Variants in DOCK3 observed in about 807,000 individuals in gnomAD.
DOCK3 encodes dedicator of cytokinesis 3.
A neutral mutation model predicts 265.6 loss-of-function variants in DOCK3; 60 were observed. The observed-to-expected ratio is 0.23, with a 90% CI of 0.18 to 0.28. DOCK3 has a LOEUF of 0.28. Ranked by LOEUF, DOCK3 falls within the 10% of genes least tolerant of loss-of-function variation. DOCK3 has a pLI of 1.00. For missense variants in DOCK3, 1,981 were observed against 2,594.3 expected (o/e 0.76, Z 5.14); for synonymous variants, 881 against 938.0 (o/e 0.94, Z 1.11).
intron 21 of DOCK3, among the ~76,000 whole-genome samples, chr3:51,245,909 CAG>C (rs775722071): frequency 4.6e-5 from 7 of 152,040 alleles, no homozygotes; most frequent in Non-Finnish European, 7.4e-5. Flanking sequence ...GAACGTGACA[CAG>C]GGGATTAAAT....
chr3:51,228,723 G>T lies in DOCK3; in HGVS notation c.1710G>T (p.Glu570Asp). ...ALYLGLPCCK[E>D]DYNGCPNIPS... ...ACCTGGGCCTGCCCTGCTGCAAAGA[G>T]GACTACAATGGCTGCCCTAATATTC... The change falls in exon 18 of 53, where the codon GAG becomes GAT. Residue 570 changes from glutamate (E) to aspartate (D), a missense_variant. By Grantham distance (45) the Glu-to-Asp change is conservative. This residue lies in a region of DOCK3 where 1,357 missense variants were observed against 1,866.8 expected (regional missense o/e 0.73). Transcript: ENST00000266037. 6.2e-7 allele frequency: 1 copy of T among 1,613,960 alleles called. No individual in the cohort carries two copies. The highest frequency in any genetic ancestry group is 8.5e-7 in the Non-Finnish European group (1 of 1,179,884).
At position 51,315,113 on chromosome 3, in the gene DOCK3, T is replaced by A. The variant is rs775471821; in HGVS notation, c.3387T>A (p.Asn1129Lys). The change falls in exon 32 of 53, where the codon AAT becomes AAA. Residue 1129 changes from asparagine (N) to lysine (K), a missense_variant. Transcript: ENST00000266037. ...HDMMDWEQRK[N>K]GNFKQVEAEL... ...TGATGGACTGGGAGCAGAGAAAAAA[T>A]GGCAACTTCAAACAGGTAAGACACC... The A allele has an allele frequency of 1.2e-6, 2 of 1,609,720 alleles. No homozygotes were observed. Among genetic ancestry groups the A allele is most frequent in the Admixed American group, 1.7e-5 (1 of 59,682 alleles).
At chr3:50,720,429 T>C (rs753260402) in intron 1 of DOCK3, among the ~76,000 whole-genome samples, 2 of 152,148 alleles carry the variant, frequency 1.3e-5, no homozygotes, top group Admixed American at 6.6e-5. Flanking sequence ...CTTGGGAAAA[T>C]GGCCTCCAGC....
At chr3:51,240,483 C>A (rs1576502729) in intron 21 of DOCK3, among the ~76,000 whole-genome samples, 1 of 152,246 alleles carries the variant, frequency 6.6e-6, no homozygotes, top group East Asian at 1.9e-4. Flanking sequence ...GTCCTGATAT[C>A]TTTGTTAATT....
chr3:50,792,734 G>A (rs1465296098), intron 2 of DOCK3, among the ~76,000 whole-genome samples: 1 of 152,188 alleles, frequency 6.6e-6, no homozygotes, highest in Non-Finnish European at 1.5e-5. Context: ...GATGAATCAC[G>A]TTTATTGATT....
chr3:51,355,013 C>T lies in DOCK3; in HGVS notation c.4239C>T (p.Cys1413=), dbSNP rs781050493. Residue 1413 remains cysteine, a synonymous_variant, in exon 41 of 53, where the codon TGC becomes TGT. Coordinates refer to ENST00000266037, the MANE Select transcript of DOCK3 (RefSeq NM_004947.5). ...ATCCTGATGACGCCATCCTACAGTG[C>T]GATGCCCAGTGTATCCTTTGATACT... ...PNHPDDAILQ[C]DAQYLQIYAV... 1.1e-5 allele frequency: 17 copies of T among 1,613,546 alleles called. No homozygotes were observed. The Admixed American group carries it at 1.3e-4, about 13-fold the overall frequency.
chr3:51,109,931 CA>C (rs919894324), intron 9 of DOCK3, among the ~76,000 whole-genome samples: 64 of 140,212 alleles, frequency 4.6e-4, no homozygotes, highest in Middle Eastern at 3.8e-3. Context: ...AACTCTGTCT[CA>C]AAAAAAAAAA....
At chr3:50,732,563 C>A (rs535379179) in intron 1 of DOCK3, among the ~76,000 whole-genome samples, 19 of 152,256 alleles carry the variant, frequency 1.2e-4, no homozygotes, top group Middle Eastern at 3.4e-3. Flanking sequence ...CACCATCATG[C>A]CTGGCTGATA....
At chr3:50,763,885 G>A (rs1299316867) in intron 1 of DOCK3, among the ~76,000 whole-genome samples, 1 of 151,986 alleles carries the variant, frequency 6.6e-6, no homozygotes, top group Non-Finnish European at 1.5e-5. Context: ...TATGGATATT[G>A]GTCTATATGT....
At chr3:50,845,231 A>AG (rs1407135600) in intron 3 of DOCK3, among the ~76,000 whole-genome samples, 1 of 152,226 alleles carries the variant, frequency 6.6e-6, no homozygotes, top group Non-Finnish European at 1.5e-5. Flanking sequence ...AAACAAAAAA[A>AG]CTTAAGAGCA....
At chr3:50,800,176 G>C (rs573179521) in intron 2 of DOCK3, among the ~76,000 whole-genome samples, 47 of 152,252 alleles carry the variant, frequency 3.1e-4, no homozygotes, top group African/African-American at 1.1e-3. Flanking sequence ...GTCTTTATGT[G>C]GTTTTGCTAT....
chr3:50,971,321 A>G (rs2077226996), intron 5 of DOCK3, among the ~76,000 whole-genome samples: 1 of 151,556 alleles, frequency 6.6e-6, no homozygotes, highest in South Asian at 2.1e-4. Flanking sequence ...TTATTTTTGA[A>G]TTTACTTATG....
chr3:50,731,043 A>T (rs541399987), intron 1 of DOCK3, among the ~76,000 whole-genome samples: 2 of 151,462 alleles, frequency 1.3e-5, no homozygotes, highest in African/African-American at 2.4e-5. Flanking sequence ...GAGGCAGGAG[A>T]ATGGCATGAA....
intron 12 of DOCK3, among the ~76,000 whole-genome samples, chr3:51,184,609 A>G (rs2087492499): frequency 6.6e-6 from 1 of 152,102 alleles, no homozygotes; most frequent in South Asian, 2.1e-4. Context: ...GTGAGTTGAT[A>G]CTTGAATAAA....
intron 1 of DOCK3, among the ~76,000 whole-genome samples, chr3:50,777,138 G>C (rs1363075078): frequency 2.0e-5 from 3 of 152,108 alleles, no homozygotes; most frequent in African/African-American, 7.2e-5. Flanking sequence ...CAACACGTGG[G>C]AATTATGGAA....
intron 1 of DOCK3, among the ~76,000 whole-genome samples, chr3:50,758,799 T>C (rs1393178503): frequency 1.3e-5 from 2 of 152,226 alleles, no homozygotes; most frequent in African/African-American, 4.8e-5. Flanking sequence ...CAAAAGCTTA[T>C]TGTAAGATTG....
intron 25 of DOCK3, 49 bp from the exon 26 acceptor site, chr3:51,277,559 T>G: frequency 2.7e-6 from 4 of 1,493,470 alleles, no homozygotes; most frequent in Non-Finnish European, 3.6e-6. Flanking sequence ...CCAGCTGTAC[T>G]TCAGCCTGGC....
intron 22 of DOCK3, among the ~76,000 whole-genome samples, chr3:51,257,644 G>A (rs1363683236): frequency 6.6e-6 from 1 of 152,080 alleles, no homozygotes; most frequent in African/African-American, 2.4e-5. Flanking sequence ...GAGAGGGCAC[G>A]GTGGATCTTC....
At chr3:50,928,952 G>C (rs774918386) in intron 4 of DOCK3, among the ~76,000 whole-genome samples, 7 of 152,076 alleles carry the variant, frequency 4.6e-5, no homozygotes, top group Non-Finnish European at 7.4e-5. Flanking sequence ...CACACTTTTT[G>C]TTAGATGATT....
Sources: gnomAD v4.1 joint callset for allele counts (sites outside exome capture counted in the v4.1 genomes callset) on GRCh38, gnomAD v4.1.1 for gene constraint, gnomAD v4.1.1 regional missense constraint, MANE v1.5 for transcripts, NCBI Gene and HGNC (gene_info 2026-07-23, HGNC 2026-07-21) for gene names.